The following CACNA1E variants were observed in gnomAD, a reference collection of about 807,000 sequenced individuals.
The protein encoded by CACNA1E is voltage-dependent R-type calcium channel subunit alpha-1E.
In CACNA1E, 40 loss-of-function variants were observed where a neutral mutation model predicts 259.2. The observed-to-expected ratio is 0.15, with a 90% CI of 0.12 to 0.20. CACNA1E has a LOEUF of 0.20. CACNA1E is among the 10% of genes least tolerant of loss of function. The pLI is 1.00. For synonymous variants in CACNA1E, 1,104 were observed against 1,138.5 expected (o/e 0.97, Z 0.61); for missense variants, 1,874 against 3,040.1 (o/e 0.62, Z 9.02).
At chr1:181,676,414 C>G (rs955118183) in intron 7 of CACNA1E, among the ~76,000 whole-genome samples, 5 of 152,056 alleles carry the variant, frequency 3.3e-5, no homozygotes, top group Admixed American at 2.6e-4. Flanking sequence ...AGCATCTGAG[C>G]CAATCCATCA....
At chr1:181,671,860 T>A (rs1461017943) in intron 7 of CACNA1E, among the ~76,000 whole-genome samples, 1 of 152,230 alleles carries the variant, frequency 6.6e-6, no homozygotes, top group Non-Finnish European at 1.5e-5. Context: ...AGAACTACCA[T>A]TTGACCCAGC....
At chr1:181,391,309 G>T (rs1656260225) in intron 1 of CACNA1E, among the ~76,000 whole-genome samples, 1 of 152,188 alleles carries the variant, frequency 6.6e-6, no homozygotes, top group Admixed American at 6.5e-5. Flanking sequence ...AACCTTTGTA[G>T]ATTTCTGTAT....
chr1:181,777,008 A>G lies in CACNA1E; in HGVS notation c.5267+780A>G, dbSNP rs551076194. Among the ~76,000 whole-genome samples the G allele has an allele frequency of 2.6e-5, 4 of 152,374 alleles. No homozygotes were observed. The South Asian group carries it at 8.3e-4, about 32-fold the overall frequency. ...GGTGAGTGATTGTGACAGAGATGGT[A>G]TGGTCCTCAAATTTGAAAGTATTTA... On this transcript the variant is annotated intron_variant, in intron 38 of 47. Transcript: ENST00000367573.
chr1:181,510,233 C>T (rs997266618), intron 1 of CACNA1E, among the ~76,000 whole-genome samples: 1 of 152,138 alleles, frequency 6.6e-6, no homozygotes, highest in South Asian at 2.1e-4. Flanking sequence ...TGGCTATATA[C>T]GTTCCTTTTT....
intron 1 of CACNA1E, among the ~76,000 whole-genome samples, chr1:181,509,090 G>A (rs1033723980): frequency 6.6e-6 from 1 of 152,038 alleles, no homozygotes; most frequent in African/African-American, 2.4e-5. Flanking sequence ...GCATGGTGGT[G>A]GGGGAGGAGA....
intron 19 of CACNA1E, among the ~76,000 whole-genome samples, chr1:181,731,647 G>A (rs923001704): frequency 1.3e-5 from 2 of 152,146 alleles, no homozygotes; most frequent in Admixed American, 6.5e-5. Flanking sequence ...CTTCCCCTCC[G>A]CCCAGCGAGC....
At position 181,800,246 on chromosome 1, in the gene CACNA1E, C is replaced by T. The variant is rs1572929145; in HGVS notation, c.*1412C>T. On this transcript the variant is annotated 3_prime_UTR_variant, in exon 48 of 48. Transcript: ENST00000367573. ...GCTGCTCCTTCTAGCAAAGCAGGCT[C>T]CAGTGGGGCCTCATCATACAGGATG... 6.6e-6 allele frequency: 1 copy of T among 152,670 alleles called. No individual in the cohort carries two copies. Among genetic ancestry groups the T allele is most frequent in the East Asian group, 1.9e-4 (1 of 5,192 alleles). The allele number at this position is 152,670 out of a possible 1,614,324, so 9.5% of individuals were successfully genotyped here.
intron 3 of CACNA1E, among the ~76,000 whole-genome samples, chr1:181,567,984 T>C (rs1650018607): frequency 6.6e-6 from 1 of 152,106 alleles, no homozygotes; most frequent in Admixed American, 6.5e-5. Context: ...CACATCTGGC[T>C]TGTGATGTAA....
At chr1:181,374,766 T>C (rs1291134669) in intron 1 of CACNA1E, among the ~76,000 whole-genome samples, 2 of 152,334 alleles carry the variant, frequency 1.3e-5, no homozygotes, top group East Asian at 3.9e-4. Flanking sequence ...TGAGCATGGC[T>C]GAAAAACTGT....
chr1:181,441,061 G>A (rs1660441612), intron 2 of CACNA1E, among the ~76,000 whole-genome samples: 3 of 147,878 alleles, frequency 2.0e-5, no homozygotes, highest in Admixed American at 2.0e-4. Context: ...AGGCTTCCTG[G>A]CCCCTAGGGG....
intron 1 of CACNA1E, among the ~76,000 whole-genome samples, chr1:181,356,006 AT>A (rs34486250): frequency 1.3e-5 from 2 of 151,724 alleles, no homozygotes; most frequent in South Asian, 2.1e-4. Context: ...TTTTTTGCTC[AT>A]TTTTTTTGGC....
chr1:181,516,328 A>G (rs1002742359), intron 3 of CACNA1E, among the ~76,000 whole-genome samples: 1 of 141,516 alleles, frequency 7.1e-6, no homozygotes, highest in Non-Finnish European at 1.5e-5. Flanking sequence ...CATTTATTGA[A>G]CCATGTGCCA....
rs1167110368 is a variant in CACNA1E at position 181,577,889 on chromosome 1, T to C, written c.616+20T>C. The stretch of plus-strand genomic sequence containing the variant: ...TACCTAGTGAGCATCTGCCATTCTT[T>C]CTGCTCTGCTAAGAACTTTCTTCAT... On this transcript the variant is annotated intron_variant, in intron 4 of 47. Coordinates refer to ENST00000367573, the MANE Select transcript of CACNA1E (RefSeq NM_001205293.3). 6.6e-7 allele frequency: 1 copy of C among 1,520,530 alleles called. No individual in the cohort carries two copies. The highest frequency in any genetic ancestry group is 9.1e-7 in the Non-Finnish European group (1 of 1,102,230). The allele number at this position is 1,520,530 out of a possible 1,614,324, so 94.2% of individuals were successfully genotyped here. A position where few individuals can be genotyped will look rare whatever the true frequency, so the allele number is the denominator to read the frequency against.
At chr1:181,641,800 G>A (rs1012976272) in intron 6 of CACNA1E, among the ~76,000 whole-genome samples, 7 of 127,024 alleles carry the variant, frequency 5.5e-5, no homozygotes, top group Admixed American at 9.8e-5. Flanking sequence ...TGCAACCTCC[G>A]TCTCCTGGGT....
chr1:181,616,854 T>C (rs757725159), intron 6 of CACNA1E, among the ~76,000 whole-genome samples: 1 of 152,254 alleles, frequency 6.6e-6, no homozygotes, highest in Non-Finnish European at 1.5e-5. Flanking sequence ...ATTTAATTTC[T>C]TTGAAAGAGA....
At chr1:181,384,680 A>G (rs1403652689) in intron 1 of CACNA1E, among the ~76,000 whole-genome samples, 2 of 151,896 alleles carry the variant, frequency 1.3e-5, no homozygotes, top group Admixed American at 1.3e-4. Flanking sequence ...TTCTCCTCCT[A>G]TCTTGGAAGG....
At chr1:181,640,948 C>A (rs560807433) in intron 6 of CACNA1E, among the ~76,000 whole-genome samples, 13 of 152,190 alleles carry the variant, frequency 8.5e-5, no homozygotes, top group African/African-American at 2.4e-4. Context: ...AATGGAGGAC[C>A]AATATGTAAA....
intron 1 of CACNA1E, among the ~76,000 whole-genome samples, chr1:181,335,925 C>T (rs1025120066): frequency 6.6e-6 from 1 of 152,158 alleles, no homozygotes; most frequent in Non-Finnish European, 1.5e-5. Flanking sequence ...CCATATGGGG[C>T]CATAGAGATC....
At chr1:181,589,013 C>G (rs898442548) in intron 6 of CACNA1E, among the ~76,000 whole-genome samples, 1 of 152,238 alleles carries the variant, frequency 6.6e-6, no homozygotes, top group Non-Finnish European at 1.5e-5. Context: ...ATTATTCACT[C>G]GAAGACTTAT....
Sources: allele counts gnomAD v4.1 joint callset (sites outside exome capture counted in the v4.1 genomes callset), GRCh38; gene constraint gnomAD v4.1.1; transcripts MANE v1.5; gene names NCBI Gene and HGNC (gene_info 2026-07-23, HGNC 2026-07-21).